The following TMEM223 variants were observed in gnomAD, a reference collection of about 807,000 sequenced individuals.
TMEM223 encodes transmembrane protein 223.
In TMEM223, 14 loss-of-function variants were observed where a neutral mutation model predicts 14.1. The ratio of observed to expected loss-of-function variants is 0.99; its 90% CI spans 0.66 to 1.55. The LOEUF is 1.55. Ranked by LOEUF, TMEM223 falls within the 40% of genes most tolerant of loss-of-function variation. The pLI is 0.00. For missense variants in TMEM223, 346 were observed against 269.9 expected (o/e 1.28, Z -1.97); for synonymous variants, 145 against 120.5 (o/e 1.20, Z -1.33).
chr11:62,781,700 C>A, intron 1 of TMEM223: 9 of 498,866 alleles, frequency 1.8e-5, no homozygotes, highest in East Asian at 3.9e-5. Flanking sequence ...AGGTTGTATT[C>A]AGGGCCATAT....
Position 62,790,799 on chromosome 11 carries a change from C to A in TMEM223, c.433G>T (p.Ala145Ser), listed in dbSNP as rs750271322. Residue 145 changes from alanine (A) to serine (S), a missense_variant, in exon 2 of 2, where the codon GCC (alanine) becomes TCC (serine). Transcript: ENST00000307366. ...LTTHAPFGLG[A>S]HFTVPLKQVS... ...TGCTTCAAAGGAACTGTGAAATGGG[C>A]CCCCAAGCCAAAGGGGGCATGAGTG... 2.5e-6 allele frequency: 4 copies of A among 1,606,330 alleles called. No individual in the cohort carries two copies. Among genetic ancestry groups the A allele is most frequent in the Non-Finnish European group, 3.4e-6 (4 of 1,176,386 alleles).
downstream of TMEM223, chr11:62,786,750 C>T (rs1291833549): frequency 3.7e-6 from 6 of 1,613,022 alleles, no homozygotes; most frequent in Admixed American, 3.3e-5. Context: ...CCGACATCTA[C>T]CGGGAGCTCT....
chr11:62,771,278 T>C (rs903954774), downstream of TMEM223: 5 of 152,244 alleles, frequency 3.3e-5, no homozygotes, highest in African/African-American at 1.2e-4. Context: ...TGACCGCCGG[T>C]CTCTACAGTC....
chr11:62,788,742 A>T (rs1180378362), downstream of TMEM223, among the ~76,000 whole-genome samples: 1 of 150,662 alleles, frequency 6.6e-6, no homozygotes, highest in Non-Finnish European at 1.5e-5. Context: ...GCCTGGGTTT[A>T]CTCTAAGGTT....
chr11:62,778,599 G>A, intron 1 of TMEM223: 1 of 616,382 alleles, frequency 1.6e-6, no homozygotes, highest in Non-Finnish European at 2.9e-6. Context: ...TCACCCCCAG[G>A]GTATGCTGAG....
chr11:62,790,917 T>G lies in TMEM223; in HGVS notation c.317-2A>C, dbSNP rs753185034. On this transcript the variant is annotated splice_acceptor_variant, in intron 1 of 1. Coordinates refer to ENST00000307366, the MANE Select transcript of TMEM223 (RefSeq NM_001080501.3). LOFTEE classifies it high-confidence loss of function. ...GACCAGCACCGAGTACGAGGGCTCC[T>G]GCAGGCAGGGCAGAGATTGGGGTGA... is the stretch of plus-strand genomic sequence containing the variant. The G allele has an allele frequency of 8.9e-6, 14 of 1,567,422 alleles. No individual in the cohort carries two copies. Among genetic ancestry groups the G allele is most frequent in the Non-Finnish European group, 1.2e-5 (14 of 1,151,868 alleles).
chr11:62,776,431 T>A, intron 1 of TMEM223: 1 of 1,613,848 alleles, frequency 6.2e-7, no homozygotes, highest in Non-Finnish European at 8.5e-7. Flanking sequence ...AGCTGACGGT[T>A]GAGGACTTCA....
downstream of TMEM223, chr11:62,787,673 T>G: frequency 9.2e-7 from 1 of 1,090,680 alleles, no homozygotes; most frequent in Non-Finnish European, 1.3e-6. Flanking sequence ...GTACCTGAAA[T>G]GCAGCGAGGC....
At position 62,791,759 on chromosome 11, in the gene TMEM223, G is replaced by C. The variant is rs2084364061; in HGVS notation, c.236C>G (p.Ala79Gly). The change falls in exon 1 of 2, where the codon GCG (alanine) becomes GGG (glycine). Residue 79 changes from alanine (A) to glycine (G), a missense_variant. Ala to Gly is a moderately conservative substitution (Grantham distance 60). Coordinates refer to ENST00000307366, the MANE Select transcript of TMEM223 (RefSeq NM_001080501.3). ...RPPVPVQPLD[A>G]EVPNRGPFDL... ...GAAGGGGCCACGATTTGGGACCTCC[G>C]CATCCAGAGGCTGCACCGGAACCGG... The C allele has an allele frequency of 6.4e-7, 1 of 1,564,770 alleles. No individual in the cohort carries two copies.
rs2084344269 is a variant in TMEM223 at position 62,790,250 on chromosome 11, G to T, written c.*373C>A. On this transcript the variant is annotated 3_prime_UTR_variant, in exon 2 of 2. Transcript: ENST00000307366. Reference sequence around the variant, plus strand: ...TTATATTACTGTCTTCATCTTAGTAGTGAGTTTTTGATGTTAAAGTACAAC... The same window carrying T: ...TTATATTACTGTCTTCATCTTAGTATTGAGTTTTTGATGTTAAAGTACAAC... The T allele has an allele frequency of 6.5e-6, 4 of 612,880 alleles. No homozygotes were observed. The highest frequency in any genetic ancestry group is 7.1e-5 in the Admixed American group (2 of 27,984). 38.0% of individuals were successfully genotyped at this position (612,880 alleles called of 1,614,324 possible). A position where few individuals can be genotyped will look rare whatever the true frequency, so the allele number is the denominator to read the frequency against.
chr11:62,788,200 C>T (rs552729), downstream of TMEM223, among the ~76,000 whole-genome samples: 1 of 151,072 alleles, frequency 6.6e-6, no homozygotes, highest in Non-Finnish European at 1.5e-5. Context: ...GTCAGGAGTT[C>T]GAGACCAGCC....
Position 62,790,120 on chromosome 11 carries a change from T to TG in TMEM223, c.*502dup, listed in dbSNP as rs2084341993. The TG allele has an allele frequency of 9.6e-6, 14 of 1,462,306 alleles. No individual in the cohort carries two copies. The South Asian group carries it at 2.0e-4, about 21-fold the overall frequency. 90.6% of individuals were successfully genotyped at this position (1,462,306 alleles called of 1,614,324 possible). A position where few individuals can be genotyped will look rare whatever the true frequency, so the allele number is the denominator to read the frequency against. On this transcript the variant is annotated 3_prime_UTR_variant, in exon 2 of 2. Transcript: ENST00000307366. Reference sequence around the variant, plus strand: ...CCTGTAATCCCCCCCCTCAAGGCCCTGTTTATGTTGGGAGTCTTAGTTTTC... The same window carrying TG: ...CCTGTAATCCCCCCCCTCAAGGCCCTGGTTTATGTTGGGAGTCTTAGTTTTC...
At chr11:62,783,343 G>A (rs1389014319), downstream of TMEM223, among the ~76,000 whole-genome samples, 2 of 152,044 alleles carry the variant, frequency 1.3e-5, no homozygotes, top group Non-Finnish European at 2.9e-5. Context: ...TTAGCCTGGT[G>A]TGGTGGCGGG....
In TMEM223 at chr11:62,790,808, CA is replaced by C. The variant is rs1365534212; in HGVS notation, c.423del (p.Phe141LeufsTer11). 2.5e-6 allele frequency: 4 copies of C among 1,606,246 alleles called. No homozygotes were observed. Among genetic ancestry groups the C allele is most frequent in the Non-Finnish European group, 3.4e-6 (4 of 1,176,390 alleles). On this transcript the variant is annotated frameshift_variant, in exon 2 of 2. Transcript: ENST00000307366. LOFTEE classifies it high-confidence loss of function. ...GGAACTGTGAAATGGGCCCCCAAGC[CA>C]AAGGGGGCATGAGTGGTGAGGGTCA... is the stretch of plus-strand genomic sequence containing the variant. ...QQVTLTTHAPFGLGAHFTVPL... is the reference protein window; with the variant it reads ...QQVTLTTHAPXGLGAHFTVPL...
chr11:62,775,292 A>G (rs2084178648), intron 1 of TMEM223, among the ~76,000 whole-genome samples: 1 of 152,116 alleles, frequency 6.6e-6, no homozygotes, highest in Non-Finnish European at 1.5e-5. Flanking sequence ...AGCATGGGGG[A>G]AAATGTCCCC....
chr11:62,782,638 C>G (rs2084238871), downstream of TMEM223: 1 of 1,598,208 alleles, frequency 6.3e-7, no homozygotes, highest in African/African-American at 1.3e-5. Flanking sequence ...GTCTTGTGCC[C>G]TGTTGGGTGG....
chr11:62,782,788 A>G (rs755372201), downstream of TMEM223: 9 of 1,613,654 alleles, frequency 5.6e-6, no homozygotes, highest in Non-Finnish European at 6.8e-6. Flanking sequence ...TGCTGCCACT[A>G]TGGAGCCGTG....
chr11:62,786,237 T>G (rs2084273809), downstream of TMEM223: 1 of 1,602,442 alleles, frequency 6.2e-7, no homozygotes, highest in African/African-American at 1.3e-5. Flanking sequence ...ACATGCTAAC[T>G]GTATTCCTTC....
chr11:62,784,616 A>G (rs183377166), downstream of TMEM223, among the ~76,000 whole-genome samples: 446 of 152,114 alleles, frequency 2.9e-3, 3 homozygotes, highest in African/African-American at 9.5e-3. Flanking sequence ...TATATTCTTA[A>G]TTTTATCATC....
Sources: allele counts gnomAD v4.1 joint callset (sites outside exome capture counted in the v4.1 genomes callset), GRCh38; gene constraint gnomAD v4.1.1; transcripts MANE v1.5; gene names NCBI Gene and HGNC (gene_info 2026-07-23, HGNC 2026-07-21).